The following CACNA2D1 variants were observed in gnomAD, a reference collection of about 807,000 sequenced individuals.
CACNA2D1 encodes voltage-dependent calcium channel subunit alpha-2/delta-1.
Under a neutral mutation model 171.5 loss-of-function variants are expected in CACNA2D1, and 53 were observed. The observed-to-expected ratio is 0.31, with a 90% CI of 0.25 to 0.39. The LOEUF (loss-of-function observed/expected upper bound fraction) is 0.39, where lower values mean the gene tolerates loss of function less well. CACNA2D1 is among the 10% of genes least tolerant of loss of function. The probability of loss-of-function intolerance (pLI) is 1.00; values close to 1 mark genes in which losing one functional copy is unlikely to be tolerated. For missense variants in CACNA2D1, 903 were observed against 1,299.8 expected, an observed-to-expected ratio of 0.69 and a Z score of 4.69; for synonymous variants, 442 against 443.1, an observed-to-expected ratio of 1.00 and a Z score of 0.03.
chr7:82,235,872 C>A (rs912907503), intron 3 of CACNA2D1, among the ~76,000 whole-genome samples: 2 of 151,982 alleles, frequency 1.3e-5, no homozygotes, highest in African/African-American at 4.8e-5. Context: ...AGTGTATGAA[C>A]CCCAGTAATG....
chr7:82,440,026 T>A (rs1830375981), intron 1 of CACNA2D1, among the ~76,000 whole-genome samples: 1 of 151,814 alleles, frequency 6.6e-6, no homozygotes, highest in Non-Finnish European at 1.5e-5. Context: ...TAGCCTTAAA[T>A]ACAAATTTCT....
chr7:82,393,609 A>T (rs1206037887), intron 1 of CACNA2D1, among the ~76,000 whole-genome samples: 1 of 152,198 alleles, frequency 6.6e-6, no homozygotes, highest in Non-Finnish European at 1.5e-5. Flanking sequence ...ATATGCTTCC[A>T]ACAATTAAAA....
At chr7:82,336,356 A>G (rs1009679569) in intron 2 of CACNA2D1, among the ~76,000 whole-genome samples, 1 of 152,210 alleles carries the variant, frequency 6.6e-6, no homozygotes, top group Non-Finnish European at 1.5e-5. Context: ...TATTAGTTTT[A>G]CATGGACTTA....
chr7:82,312,061 T>C (rs1814532661), intron 3 of CACNA2D1, among the ~76,000 whole-genome samples: 1 of 152,192 alleles, frequency 6.6e-6, no homozygotes, highest in African/African-American at 2.4e-5. Flanking sequence ...AAGTCTAATA[T>C]GAAATTTCAT....
intron 3 of CACNA2D1, among the ~76,000 whole-genome samples, chr7:82,257,766 AT>A (rs1398256733): frequency 6.6e-6 from 1 of 152,222 alleles, no homozygotes; most frequent in African/African-American, 2.4e-5. Context: ...GGTGTAAGAA[AT>A]TTGAAAATCT....
chr7:82,212,246 TA>T (rs1445762614), intron 3 of CACNA2D1, among the ~76,000 whole-genome samples: 1 of 152,164 alleles, frequency 6.6e-6, no homozygotes, highest in African/African-American at 2.4e-5. Context: ...ATCTAGCAAT[TA>T]AAAATATGGG....
intron 3 of CACNA2D1, among the ~76,000 whole-genome samples, chr7:82,203,039 C>G (rs62462993): frequency 4.3e-4 from 66 of 152,272 alleles, no homozygotes; most frequent in Non-Finnish European, 8.5e-4. Context: ...GCTGTGCAAC[C>G]CGGTCCCCCC....
chr7:82,375,029 G>A (rs771362192), intron 1 of CACNA2D1, among the ~76,000 whole-genome samples: 3 of 152,092 alleles, frequency 2.0e-5, no homozygotes, highest in Non-Finnish European at 4.4e-5. Context: ...GCACTAATGC[G>A]AAGGAATATA....
chr7:82,013,310 A>G, intron 14 of CACNA2D1, 151 bp downstream of exon 14: 1 of 240,684 alleles, frequency 4.2e-6, no homozygotes, highest in South Asian at 1.6e-4. Context: ...AATAAAACCA[A>G]TGTATCAACA....
chr7:82,006,930 A>G (rs935476515), intron 16 of CACNA2D1, among the ~76,000 whole-genome samples: 1 of 152,146 alleles, frequency 6.6e-6, no homozygotes, highest in Non-Finnish European at 1.5e-5. Flanking sequence ...TATCTACTCA[A>G]ATCAAGTATA....
At position 82,443,355 on chromosome 7, in the gene CACNA2D1, G is replaced by T; in HGVS notation, c.95+10C>A. On this transcript the variant is annotated intron_variant, in intron 1 of 38. Transcript: ENST00000356860. ...TCGGCCGGCGCTCCCTGCCCGGCCC[G>T]CCGACTTACGTGACGGCCGAAGGGA... is the stretch of plus-strand genomic sequence containing the variant. 1 of 1,590,720 alleles carries T rather than the reference G, an allele frequency of 6.3e-7. No individual in the cohort carries two copies. The highest frequency in any genetic ancestry group is 1.1e-5 in the South Asian group (1 of 89,182).
chr7:82,255,175 T>C (rs2129321925), intron 3 of CACNA2D1, among the ~76,000 whole-genome samples: 1 of 152,284 alleles, frequency 6.6e-6, no homozygotes, highest in East Asian at 1.9e-4. Flanking sequence ...AAACAAAAGT[T>C]CCAAGCCTTT....
chr7:82,436,580 A>G (rs1328203919), intron 1 of CACNA2D1, among the ~76,000 whole-genome samples: 2 of 152,220 alleles, frequency 1.3e-5, no homozygotes, highest in African/African-American at 4.8e-5. Flanking sequence ...AGCATTTCCA[A>G]TATAACCAAG....
At position 82,419,401 on chromosome 7, in the gene CACNA2D1, C is replaced by T. The variant is rs576262257; in HGVS notation, c.95+23964G>A. ...TGATATCTACAAAGCATTTTATGCACTATGCACATGGGCAGGATAGATAGC... is the reference window on the plus strand; with the variant it reads ...TGATATCTACAAAGCATTTTATGCATTATGCACATGGGCAGGATAGATAGC... On this transcript the variant is annotated intron_variant, in intron 1 of 38. Coordinates refer to ENST00000356860, the MANE Select transcript of CACNA2D1 (RefSeq NM_000722.4). 2.2e-4 allele frequency among the ~76,000 whole-genome samples: 34 copies of T among 152,264 alleles called. No individual in the cohort carries two copies. The South Asian group carries it at 6.6e-3, about 30-fold the overall frequency.
intron 7 of CACNA2D1, among the ~76,000 whole-genome samples, chr7:82,081,423 C>G (rs1455842594): frequency 6.6e-6 from 1 of 152,114 alleles, no homozygotes; most frequent in African/African-American, 2.4e-5. Flanking sequence ...TTACTAAATA[C>G]TTGGTTATAT....
At chr7:82,247,089 T>G (rs750980233) in intron 3 of CACNA2D1, among the ~76,000 whole-genome samples, 1 of 152,212 alleles carries the variant, frequency 6.6e-6, no homozygotes, top group Non-Finnish European at 1.5e-5. Flanking sequence ...TTGGGGATTT[T>G]AAAATAGAAA....
At position 81,968,856 on chromosome 7, in the gene CACNA2D1, T is replaced by C. The variant is rs770655873; in HGVS notation, c.2395+31A>G. 43 of 1,095,394 alleles carry C rather than the reference T, an allele frequency of 3.9e-5. No individual in the cohort carries two copies. The Middle Eastern group carries it at 6.1e-4, about 16-fold the overall frequency. The allele number at this position is 1,095,394 out of a possible 1,614,324, so 67.9% of individuals were successfully genotyped here. A position where few individuals can be genotyped will look rare whatever the true frequency, so the allele number is the denominator to read the frequency against. ...AATGCCAAGTAACATTTAATTTTGATTGTGTTTTTGTATTTAATATTTATC... is the reference window on the plus strand; with the variant it reads ...AATGCCAAGTAACATTTAATTTTGACTGTGTTTTTGTATTTAATATTTATC... On this transcript the variant is annotated intron_variant, in intron 29 of 38. Coordinates refer to ENST00000356860, the MANE Select transcript of CACNA2D1 (RefSeq NM_000722.4).
intron 3 of CACNA2D1, 106 bp downstream of exon 3, chr7:82,335,029 T>C (rs1456712621): frequency 1.3e-6 from 1 of 789,048 alleles, no homozygotes; most frequent in Non-Finnish European, 2.3e-6. Flanking sequence ...ATGAACACAG[T>C]TACTAAGAAG....
In CACNA2D1 at chr7:82,061,145, G is replaced by C. The variant is rs117752744; in HGVS notation, c.780-618C>G. Among the ~76,000 whole-genome samples, 252 of 152,108 alleles carry C rather than the reference G, an allele frequency of 1.7e-3. 3 individuals are homozygous for C. In the East Asian group the frequency reaches 0.019, roughly 11 times the overall value. ...CAACACTTTCCTGGTTTTATCCTTC[G>C]AGCTGCCTGCTGAACCACTACGACT... On this transcript the variant is annotated intron_variant, in intron 9 of 38. Transcript: ENST00000356860.
Sources: gnomAD v4.1 joint callset for allele counts (sites outside exome capture counted in the v4.1 genomes callset) on GRCh38, gnomAD v4.1.1 for gene constraint, MANE v1.5 for transcripts, NCBI Gene and HGNC (gene_info 2026-07-23, HGNC 2026-07-21) for gene names.